Variants in RAI14 observed in about 807,000 individuals in gnomAD.
RAI14 encodes the protein retinoic acid induced 14, also known as ankycorbin.
RAI14 carries 45 observed loss-of-function variants against 115.4 expected under a neutral mutation model. That is an observed-to-expected ratio of 0.39 (90% CI 0.31 to 0.50). RAI14 has a LOEUF of 0.50. Ranked by LOEUF, RAI14 falls within the 20% of genes least tolerant of loss-of-function variation. RAI14 has a pLI of 0.85. For missense variants in RAI14, 939 were observed against 1,131.2 expected (o/e 0.83, Z 2.44); for synonymous variants, 371 against 415.4 (o/e 0.89, Z 1.30).
At chr5:34,678,936 T>G (rs1744193609) in intron 1 of RAI14, among the ~76,000 whole-genome samples, 1 of 152,222 alleles carries the variant, frequency 6.6e-6, no homozygotes, top group Non-Finnish European at 1.5e-5. Context: ...TGCCTACTCA[T>G]GCTCCATAGG....
At chr5:34,661,595 A>G (rs1020435143) in intron 1 of RAI14, among the ~76,000 whole-genome samples, 1 of 152,158 alleles carries the variant, frequency 6.6e-6, no homozygotes, top group African/African-American at 2.4e-5. Context: ...TTTATCCTAT[A>G]AGCCACTTAA....
At chr5:34,750,179 T>C (rs1746798958) in intron 2 of RAI14, among the ~76,000 whole-genome samples, 1 of 152,078 alleles carries the variant, frequency 6.6e-6, no homozygotes, top group South Asian at 2.1e-4. Flanking sequence ...CTGCCATTTA[T>C]AGATAAGGAC....
Position 34,812,172 on chromosome 5 carries a change from C to T in RAI14, c.737-8C>T, listed in dbSNP as rs766708351. ...TTATAGTTCTTTTTTTCACTTTTTC[C>T]TCTATAGATTTAAAGACCCCAACAA... On this transcript the variant is annotated splice_polypyrimidine_tract_variant and splice_region_variant and intron_variant, in intron 9 of 17. Coordinates refer to ENST00000265109, the MANE Select transcript of RAI14 (RefSeq NM_015577.3). 5.7e-6 allele frequency: 9 copies of T among 1,575,574 alleles called. No individual in the cohort carries two copies. Among genetic ancestry groups the T allele is most frequent in the South Asian group, 1.1e-5 (1 of 87,684 alleles).
intron 7 of RAI14, 103 bp from the exon 8 acceptor site, chr5:34,810,909 G>A: frequency 6.5e-7 from 1 of 1,549,538 alleles, no homozygotes. Context: ...TCAGCAGTCA[G>A]CAGTCCAAGT....
chr5:34,755,983 T>TA (rs1397672466), intron 2 of RAI14, among the ~76,000 whole-genome samples: 1 of 152,198 alleles, frequency 6.6e-6, no homozygotes, highest in Non-Finnish European at 1.5e-5. Context: ...AACAAGCTGC[T>TA]GATTTTTGTT....
intron 3 of RAI14, among the ~76,000 whole-genome samples, chr5:34,788,457 A>G (rs1752567973): frequency 6.6e-6 from 1 of 152,202 alleles, no homozygotes; most frequent in South Asian, 2.1e-4. Flanking sequence ...TCTTCCTGCT[A>G]AAAGCCGAGC....
At chr5:34,731,955 G>A (rs1257376946) in intron 2 of RAI14, among the ~76,000 whole-genome samples, 1 of 152,228 alleles carries the variant, frequency 6.6e-6, no homozygotes, top group Non-Finnish European at 1.5e-5. Flanking sequence ...CAGGAGCTCG[G>A]TGGAGTGGAG....
chr5:34,752,240 G>A (rs919952814), intron 2 of RAI14, among the ~76,000 whole-genome samples: 1 of 152,044 alleles, frequency 6.6e-6, no homozygotes, highest in African/African-American at 2.4e-5. Flanking sequence ...CCTGAAACAC[G>A]ATTTAATAGT....
rs757935281 is a variant in RAI14 at position 34,829,685 on chromosome 5, TA to T, written c.2800-44del. The T allele has an allele frequency of 6.6e-6, 10 of 1,522,046 alleles. No homozygotes were observed. The South Asian group carries it at 7.2e-5, about 11-fold the overall frequency. 94.3% of individuals were successfully genotyped at this position (1,522,046 alleles called of 1,614,324 possible). ...CTCATAGTTTTTTGTTTTTGTTCTT[TA>T]AAGATCTCTTAAGCTCATTAATAAT... On this transcript the variant is annotated intron_variant, in intron 16 of 17. Transcript: ENST00000265109.
chr5:34,787,587 A>C (rs1752445313), intron 3 of RAI14, among the ~76,000 whole-genome samples: 1 of 152,110 alleles, frequency 6.6e-6, no homozygotes, highest in Non-Finnish European at 1.5e-5. Flanking sequence ...GGAGTTGGGG[A>C]AGTAGGGAAA....
chr5:34,803,207 A>G (rs979138793), intron 4 of RAI14, among the ~76,000 whole-genome samples: 1 of 152,178 alleles, frequency 6.6e-6, no homozygotes, highest in Middle Eastern at 3.2e-3. Flanking sequence ...GTCATCCAGT[A>G]GGTGGGATAG....
chr5:34,803,573 A>G, intron 4 of RAI14, 139 bp from the exon 5 acceptor site: 2 of 736,100 alleles, frequency 2.7e-6, no homozygotes, highest in South Asian at 3.8e-5. Flanking sequence ...CAAAAAAACA[A>G]ACAAACAAAA....
chr5:34,660,851 A>C (rs1409047981), intron 1 of RAI14, among the ~76,000 whole-genome samples: 1 of 151,840 alleles, frequency 6.6e-6, no homozygotes, highest in East Asian at 1.9e-4. Flanking sequence ...TGAATTCTGC[A>C]AAAGGATCAC....
intron 2 of RAI14, among the ~76,000 whole-genome samples, chr5:34,725,159 G>T (rs1743289751): frequency 6.6e-6 from 1 of 152,032 alleles, no homozygotes; most frequent in Admixed American, 6.5e-5. Flanking sequence ...AGGTGACAGG[G>T]TTTCCCTTTC....
chr5:34,737,074 T>C (rs974772828), intron 2 of RAI14, among the ~76,000 whole-genome samples: 4 of 152,188 alleles, frequency 2.6e-5, no homozygotes, highest in African/African-American at 9.7e-5. Flanking sequence ...GTACTCCTTA[T>C]CAGAATCTAA....
intron 11 of RAI14, 117 bp from the exon 12 acceptor site, chr5:34,814,466 G>C (rs1475284217): frequency 2.8e-6 from 2 of 703,994 alleles, no homozygotes; most frequent in Non-Finnish European, 4.9e-6. Flanking sequence ...TTGATGCCAA[G>C]GATACTTACT....
At position 34,688,273 on chromosome 5, in the gene RAI14, A is replaced by G. The variant is rs549495368; in HGVS notation, c.36+1318A>G. On this transcript the variant is annotated intron_variant, in intron 2 of 17. Transcript: ENST00000265109. The stretch of plus-strand genomic sequence containing the variant: ...GGCAATTAAATGGAAAATGTTGCCC[A>G]ATTCAGCAGATAGGGGTTTCTAAAT... The G allele has an allele frequency of 3.3e-6, 5 of 1,530,568 alleles. No homozygotes were observed. The African/African-American group carries it at 6.9e-5, about 21-fold the overall frequency. The allele number at this position is 1,530,568 out of a possible 1,614,324, so 94.8% of individuals were successfully genotyped here. A position where few individuals can be genotyped will look rare whatever the true frequency, so the allele number is the denominator to read the frequency against.
chr5:34,809,015 G>A (rs1473503097), intron 7 of RAI14, among the ~76,000 whole-genome samples: 1 of 152,178 alleles, frequency 6.6e-6, no homozygotes, highest in Non-Finnish European at 1.5e-5. Context: ...GCCACAGACT[G>A]GTACTGATCT....
rs182268568 is a variant in RAI14, at chr5:34,812,735, C to T, written c.765+527C>T. Among the ~76,000 whole-genome samples the T allele has an allele frequency of 4.0e-3, 602 of 152,132 alleles. 2 individuals are homozygous for T. The highest frequency in any genetic ancestry group is 5.4e-3 in the Non-Finnish European group (369 of 67,994). ...TCAAAAGCATGTAACTTTAAACTTG[C>T]TACTTATATGTTCATCTTTTTCTGA... On this transcript the variant is annotated intron_variant, in intron 10 of 17. Coordinates refer to ENST00000265109, the MANE Select transcript of RAI14 (RefSeq NM_015577.3).
Sources: allele counts gnomAD v4.1 joint callset (sites outside exome capture counted in the v4.1 genomes callset), GRCh38; gene constraint gnomAD v4.1.1; transcripts MANE v1.5; gene names NCBI Gene and HGNC (gene_info 2026-07-23, HGNC 2026-07-21).